Variants in MYLIP observed in about 807,000 individuals in gnomAD.
MYLIP encodes E3 ubiquitin-protein ligase MYLIP.
A neutral mutation model predicts 45.8 loss-of-function variants in MYLIP; 26 were observed. The observed-to-expected ratio is 0.57, with a 90% CI of 0.42 to 0.79. The LOEUF is 0.79. Ranked by LOEUF, MYLIP falls within the 30% of genes least tolerant of loss-of-function variation. The pLI, the probability that MYLIP is intolerant of heterozygous loss-of-function variation, is 0.00. For synonymous variants in MYLIP, 213 were observed against 218.1 expected (o/e 0.98, Z 0.21); for missense variants, 494 against 555.6 (o/e 0.89, Z 1.11).
rs146590862 is a variant in MYLIP, at chr6:16,146,671, G to A, written c.1258G>A (p.Val420Ile). The A allele has an allele frequency of 9.8e-4, 1,576 of 1,609,650 alleles. 6 individuals are homozygous for A. The highest frequency in any genetic ancestry group is 1.2e-3 in the Non-Finnish European group (1,437 of 1,177,510). ...SCAAQLQSCP[V>I]CRSRVEHVQH... Reference sequence around the variant, plus strand: ...GGCTTTTCTTTCCCAGTCATGTCCCGTCTGCAGGTCGCGTGTGGAGCATGT... The same window carrying A: ...GGCTTTTCTTTCCCAGTCATGTCCCATCTGCAGGTCGCGTGTGGAGCATGT... Residue 420 changes from valine (V) to isoleucine (I), a missense_variant, in exon 7 of 7, where the codon GTC (valine) becomes ATC (isoleucine). By Grantham distance (29) the Val-to-Ile change is conservative. Coordinates refer to ENST00000356840, the MANE Select transcript of MYLIP (RefSeq NM_013262.4).
In MYLIP at chr6:16,143,026, T is replaced by C; in HGVS notation, c.471T>C (p.Val157=). The C allele has an allele frequency of 6.2e-7, 1 of 1,613,876 alleles. No homozygotes were observed. ...ELSSATLNSI[V]AKHKELEGTS... The stretch of plus-strand genomic sequence containing the variant: ...TCCTCTTGGTGTCCTCCAGCATTGT[T>C]GCAAAACATAAGGAGTTGGAGGGGA... The change falls in exon 4 of 7, where the codon GTT becomes GTC. Residue 157 remains valine (V), a synonymous_variant. Coordinates refer to ENST00000356840, the MANE Select transcript of MYLIP (RefSeq NM_013262.4).
At chr6:16,148,684 T>C (rs372194247), downstream of MYLIP, among the ~76,000 whole-genome samples, 1 of 152,126 alleles carries the variant, frequency 6.6e-6, no homozygotes, top group East Asian at 1.9e-4. Flanking sequence ...CTGGTGCTGC[T>C]GGTGTGTGGC....
chr6:16,134,870 T>C (rs1759519861), intron 2 of MYLIP, among the ~76,000 whole-genome samples: 1 of 152,182 alleles, frequency 6.6e-6, no homozygotes, highest in African/African-American at 2.4e-5. Flanking sequence ...AACGCCTGTC[T>C]GGGTATCTTT....
Position 16,129,227 on chromosome 6 carries a change from C to A in MYLIP, c.-96C>A. ...GAGCTGCAGCCTTCGAGGGCCAGCC[C>A]TCTCCGAGTCCGGGGCTGGGTCCCA... On this transcript the variant is annotated 5_prime_UTR_variant, in exon 1 of 7. Coordinates refer to ENST00000356840, the MANE Select transcript of MYLIP (RefSeq NM_013262.4). The surrounding 1 kb of genome is among the most constrained non-coding windows in gnomAD (Gnocchi z 5.1). The A allele has an allele frequency of 7.4e-7, 1 of 1,343,136 alleles. No individual in the cohort carries two copies. The highest frequency in any genetic ancestry group is 1.0e-6 in the Non-Finnish European group (1 of 970,530). 83.2% of individuals were successfully genotyped at this position (1,343,136 alleles called of 1,614,324 possible). A position where few individuals can be genotyped will look rare whatever the true frequency, so the allele number is the denominator to read the frequency against.
chr6:16,158,207 C>T, the MYLIP span, among the ~76,000 whole-genome samples: 4 of 152,164 alleles, frequency 2.6e-5, no homozygotes, highest in African/African-American at 7.2e-5. Flanking sequence ...AAAAGCACAC[C>T]GTCCCCGCCA....
intron 2 of MYLIP, among the ~76,000 whole-genome samples, chr6:16,131,986 T>A (rs1401313814): frequency 1.3e-5 from 2 of 152,202 alleles, no homozygotes; most frequent in African/African-American, 2.4e-5. Context: ...ATAGACTTTT[T>A]AAAATTATTA....
At position 16,146,981 on chromosome 6, in the gene MYLIP, C is replaced by A; in HGVS notation, c.*230C>A. 2.5e-6 allele frequency: 1 copy of A among 402,206 alleles called. No individual in the cohort carries two copies. Among genetic ancestry groups the A allele is most frequent in the Non-Finnish European group, 4.6e-6 (1 of 216,350 alleles). 24.9% of individuals were successfully genotyped at this position (402,206 alleles called of 1,614,324 possible). A position where few individuals can be genotyped will look rare whatever the true frequency, so the allele number is the denominator to read the frequency against. On this transcript the variant is annotated 3_prime_UTR_variant, in exon 7 of 7. Coordinates refer to ENST00000356840, the MANE Select transcript of MYLIP (RefSeq NM_013262.4). ...ACCAGGAGGAGCTCTGGGACGCAGA[C>A]ACATTCCTTGGATGTTGATTTTTTT... is the stretch of plus-strand genomic sequence containing the variant.
At chr6:16,155,156 A>G in the MYLIP span, among the ~76,000 whole-genome samples, 1 of 152,200 alleles carries the variant, frequency 6.6e-6, no homozygotes, top group South Asian at 2.1e-4. Flanking sequence ...GGGGAGGCAG[A>G]GAATTCATGC....
chr6:16,142,766 T>G (rs2205796), intron 3 of MYLIP, among the ~76,000 whole-genome samples: 33,851 of 152,238 alleles, frequency 0.22, 3,874 homozygotes, highest in Admixed American at 0.3. Flanking sequence ...TTAGAGACTT[T>G]CCATAATTCT....
intron 1 of MYLIP, 119 bp from the exon 2 acceptor site, chr6:16,130,438 G>T: frequency 1.0e-6 from 1 of 999,098 alleles, no homozygotes; most frequent in Non-Finnish European, 1.5e-6. Context: ...GTTTAGATCA[G>T]GAATTGTAAC....
In MYLIP at chr6:16,130,697, T is replaced by TA. The variant is rs1311404853; in HGVS notation, c.229dup (p.Arg77LysfsTer17). On this transcript the variant is annotated frameshift_variant, in exon 2 of 7. Coordinates refer to ENST00000356840, the MANE Select transcript of MYLIP (RefSeq NM_013262.4). LOFTEE classifies it high-confidence loss of function. The stretch of plus-strand genomic sequence containing the variant: ...GGCTAGCCCCTTACAGGCTTAAACT[T>TA]AGAGTCAAGTTCTTCGTGGAGCCTC... 1.9e-6 allele frequency: 3 copies of TA among 1,614,130 alleles called. No homozygotes were observed. The highest frequency in any genetic ancestry group is 2.2e-5 in the East Asian group (1 of 44,870).
chr6:16,149,718 C>G (rs1394320552), downstream of MYLIP, among the ~76,000 whole-genome samples: 2 of 152,092 alleles, frequency 1.3e-5, no homozygotes, highest in African/African-American at 4.8e-5. Flanking sequence ...AGTCCAAGAG[C>G]AGAAAGAGAA....
chr6:16,153,013 C>A (rs1252292414), downstream of MYLIP, among the ~76,000 whole-genome samples: 2 of 152,110 alleles, frequency 1.3e-5, no homozygotes, highest in African/African-American at 4.8e-5. Context: ...CTACTCCCAG[C>A]CCTACTGATA....
the MYLIP span, among the ~76,000 whole-genome samples, chr6:16,154,594 C>T: frequency 6.6e-6 from 1 of 152,180 alleles, no homozygotes; most frequent in African/African-American, 2.4e-5. Context: ...TTACACATGG[C>T]CCGGGATGCT....
At chr6:16,151,410 T>G (rs1759879809), downstream of MYLIP, among the ~76,000 whole-genome samples, 1 of 151,996 alleles carries the variant, frequency 6.6e-6, no homozygotes, top group South Asian at 2.1e-4. Flanking sequence ...TCACCACGTT[T>G]GCATGTGCGC....
At chr6:16,138,572 A>C (rs972450178) in intron 2 of MYLIP, among the ~76,000 whole-genome samples, 1 of 152,120 alleles carries the variant, frequency 6.6e-6, no homozygotes, top group African/African-American at 2.4e-5. Context: ...TTGTCACCCA[A>C]AAGCTAGATT....
the MYLIP span, among the ~76,000 whole-genome samples, chr6:16,156,668 C>T: frequency 6.6e-6 from 1 of 152,202 alleles, no homozygotes; most frequent in Non-Finnish European, 1.5e-5. Context: ...GTTTACTGTA[C>T]TAGAACTTGA....
At chr6:16,134,970 T>C (rs995990889) in intron 2 of MYLIP, among the ~76,000 whole-genome samples, 2 of 152,154 alleles carry the variant, frequency 1.3e-5, no homozygotes, top group South Asian at 4.1e-4. Flanking sequence ...AATCTGAGCA[T>C]TTAGAAGGCA....
intron 2 of MYLIP, among the ~76,000 whole-genome samples, chr6:16,139,995 ACT>A (rs1759634005): frequency 6.6e-6 from 1 of 152,058 alleles, no homozygotes; most frequent in Non-Finnish European, 1.5e-5. Context: ...GACATTGTAG[ACT>A]CTCAGTATAG....
Sources: gnomAD v4.1 joint callset for allele counts (sites outside exome capture counted in the v4.1 genomes callset) on GRCh38, gnomAD v4.1.1 for gene constraint, Gnocchi (gnomAD v3.1) non-coding constraint, MANE v1.5 for transcripts, NCBI Gene and HGNC (gene_info 2026-07-23, HGNC 2026-07-21) for gene names.